Variants in ROR1 observed in about 807,000 individuals in gnomAD.
The protein encoded by ROR1 is ROR family WNT receptor 1.
A neutral mutation model predicts 78.8 loss-of-function variants in ROR1; 19 were observed. The observed-to-expected ratio is 0.24, with a 90% CI of 0.17 to 0.35. The LOEUF (loss-of-function observed/expected upper bound fraction) is 0.35, where lower values mean the gene tolerates loss of function less well. Among genes scored for constraint, ROR1 ranks in the 10% least tolerant of loss-of-function variants. The pLI is 1.00. For synonymous variants in ROR1, 386 were observed against 433.6 expected (o/e 0.89, Z 1.36); for missense variants, 917 against 1,177.8 (o/e 0.78, Z 3.24).
chr1:64,170,319 A>T (rs937887410), intron 8 of ROR1, among the ~76,000 whole-genome samples: 1 of 152,166 alleles, frequency 6.6e-6, no homozygotes, highest in Admixed American at 6.5e-5. Context: ...TGCAGGCTCA[A>T]CACCACATGG....
intron 1 of ROR1, among the ~76,000 whole-genome samples, chr1:63,989,760 T>TAGA (rs150341905): frequency 0.042 from 6,388 of 152,260 alleles, 468 homozygotes; most frequent in African/African-American, 0.15. Context: ...TGGACTACAG[T>TAGA]CTAGTAGAAT....
chr1:63,981,212 C>T (rs1487903744), intron 1 of ROR1, among the ~76,000 whole-genome samples: 1 of 152,094 alleles, frequency 6.6e-6, no homozygotes, highest in Non-Finnish European at 1.5e-5. Context: ...CACAACCTTG[C>T]ATTTTGCTGG....
intron 1 of ROR1, among the ~76,000 whole-genome samples, chr1:63,835,044 C>G (rs1053135995): frequency 5.3e-5 from 8 of 152,084 alleles, no homozygotes; most frequent in African/African-American, 1.9e-4. Flanking sequence ...CCTCCATCCT[C>G]CCCTAAAGTC....
Position 63,846,692 on chromosome 1 carries a change from G to A in ROR1, c.91+72184G>A, listed in dbSNP as rs1645083802. Among the ~76,000 whole-genome samples the A allele has an allele frequency of 2.0e-5, 3 of 152,202 alleles. No homozygotes were observed. The South Asian group carries it at 6.2e-4, about 32-fold the overall frequency. ...GGGCCTTGAAATCATCTGCAACTGCGCGGCTTGATACTTGAGGGAACTGAG... is the reference window on the plus strand; with the variant it reads ...GGGCCTTGAAATCATCTGCAACTGCACGGCTTGATACTTGAGGGAACTGAG... On this transcript the variant is annotated intron_variant, in intron 1 of 8. Coordinates refer to ENST00000371079, the MANE Select transcript of ROR1 (RefSeq NM_005012.4).
At chr1:64,092,864 C>T (rs1043441970) in intron 4 of ROR1, among the ~76,000 whole-genome samples, 1 of 152,190 alleles carries the variant, frequency 6.6e-6, no homozygotes, top group Non-Finnish European at 1.5e-5. Context: ...TCCTACCTAG[C>T]TCAACAGAGC....
At chr1:64,138,087 C>T (rs1399512807) in intron 5 of ROR1, among the ~76,000 whole-genome samples, 1 of 152,168 alleles carries the variant, frequency 6.6e-6, no homozygotes, top group Admixed American at 6.5e-5. Context: ...AATCTAATAG[C>T]GAAGCACTTA....
At chr1:64,082,863 C>T (rs929407932) in intron 4 of ROR1, among the ~76,000 whole-genome samples, 1 of 152,250 alleles carries the variant, frequency 6.6e-6, no homozygotes, top group African/African-American at 2.4e-5. Flanking sequence ...CTGCTCTTCT[C>T]TCTCTCCCTC....
At chr1:63,925,840 C>A (rs375334834) in intron 1 of ROR1, among the ~76,000 whole-genome samples, 1 of 151,722 alleles carries the variant, frequency 6.6e-6, no homozygotes, top group African/African-American at 2.4e-5. Context: ...TCATGTCCAT[C>A]GCCCACTTTT....
chr1:64,148,404 G>A (rs1367744717), intron 7 of ROR1, among the ~76,000 whole-genome samples: 1 of 152,180 alleles, frequency 6.6e-6, no homozygotes, highest in Non-Finnish European at 1.5e-5. Flanking sequence ...AGCTAGTGGG[G>A]CAGATTTGAA....
intron 1 of ROR1, among the ~76,000 whole-genome samples, chr1:63,812,106 G>A (rs1644863508): frequency 6.6e-6 from 1 of 152,030 alleles, no homozygotes; most frequent in Admixed American, 6.5e-5. Flanking sequence ...GATTATAGGT[G>A]TGTGCCGCCA....
intron 4 of ROR1, among the ~76,000 whole-genome samples, chr1:64,100,303 A>G (rs1647476575): frequency 6.6e-6 from 1 of 151,988 alleles, no homozygotes; most frequent in Non-Finnish European, 1.5e-5. Flanking sequence ...GCAACATGGC[A>G]AGACCTCATC....
At chr1:63,801,591 G>A (rs1644797736) in intron 1 of ROR1, among the ~76,000 whole-genome samples, 1 of 152,070 alleles carries the variant, frequency 6.6e-6, no homozygotes, top group Non-Finnish European at 1.5e-5. Flanking sequence ...CACTGTGCCT[G>A]GCCGGGTATC....
intron 4 of ROR1, among the ~76,000 whole-genome samples, chr1:64,091,327 T>C (rs573666121): frequency 2.0e-4 from 30 of 152,286 alleles, no homozygotes; most frequent in Middle Eastern, 3.4e-3. Context: ...CATGTTTCTT[T>C]CACATTTCAC....
At chr1:64,041,798 C>T (rs779022265) in intron 2 of ROR1, among the ~76,000 whole-genome samples, 13 of 152,196 alleles carry the variant, frequency 8.5e-5, no homozygotes, top group Non-Finnish European at 1.3e-4. Flanking sequence ...CAGCCCAGCA[C>T]AGCACTTCTT....
At chr1:63,798,169 A>G (rs1236186860) in intron 1 of ROR1, among the ~76,000 whole-genome samples, 3 of 152,206 alleles carry the variant, frequency 2.0e-5, no homozygotes, top group Non-Finnish European at 4.4e-5. Context: ...ACCAATCTAG[A>G]GAAGTAGGAA....
intron 1 of ROR1, among the ~76,000 whole-genome samples, chr1:63,779,190 C>T (rs1025918940): frequency 6.6e-6 from 1 of 152,022 alleles, no homozygotes; most frequent in Non-Finnish European, 1.5e-5. Context: ...GAAGTGTGCT[C>T]GCCAGTTTTT....
chr1:64,073,828 G>C (rs777360358), intron 4 of ROR1, among the ~76,000 whole-genome samples: 3 of 151,650 alleles, frequency 2.0e-5, no homozygotes, highest in Non-Finnish European at 4.4e-5. Context: ...CACAATGTGT[G>C]GGAAAGGAAA....
At chr1:63,949,958 C>A (rs577067298) in intron 1 of ROR1, among the ~76,000 whole-genome samples, 1 of 152,096 alleles carries the variant, frequency 6.6e-6, no homozygotes, top group Admixed American at 6.5e-5. Context: ...TCTTGACCTT[C>A]GTTTTGTAAG....
At chr1:63,900,594 A>T (rs1645477496) in intron 1 of ROR1, among the ~76,000 whole-genome samples, 1 of 152,126 alleles carries the variant, frequency 6.6e-6, no homozygotes, top group Non-Finnish European at 1.5e-5. Context: ...TAGGAAATTG[A>T]GGTCTGTGTA....
Sources: allele counts gnomAD v4.1 joint callset (sites outside exome capture counted in the v4.1 genomes callset), GRCh38; gene constraint gnomAD v4.1.1; transcripts MANE v1.5; gene names NCBI Gene and HGNC (gene_info 2026-07-23, HGNC 2026-07-21).